The following PACRG variants were observed in gnomAD, a reference collection of about 807,000 sequenced individuals.
PACRG encodes the protein parkin coregulated gene protein.
Under a neutral mutation model 29.7 loss-of-function variants are expected in PACRG, and 29 were observed. The ratio of observed to expected loss-of-function variants is 0.98; its 90% confidence interval spans 0.73 to 1.33. The LOEUF (loss-of-function observed/expected upper bound fraction) is 1.33. Among genes scored for constraint, PACRG ranks in the 40% most tolerant of loss-of-function variants. The probability of loss-of-function intolerance (pLI) is 0.00; values close to 1 mark genes in which losing one functional copy is unlikely to be tolerated. For missense variants in PACRG, 279 were observed against 316.2 expected, an observed-to-expected ratio of 0.88 and a Z score of 0.89; for synonymous variants, 116 against 118.7, an observed-to-expected ratio of 0.98 and a Z score of 0.15.
chr6:163,296,141 A>G (rs1209501717), intron 4 of PACRG, among the ~76,000 whole-genome samples: 2 of 152,224 alleles, frequency 1.3e-5, no homozygotes, highest in Non-Finnish European at 2.9e-5. Flanking sequence ...ATTTCTTGCC[A>G]AAAGCTCTAA....
In PACRG at chr6:162,885,921, C is replaced by G. The variant is rs560234298; in HGVS notation, c.291+71640C>G. ...ATTCTTTTACATAAAGTTACTTTAT[C>G]AAATTCTGAAAATTTAATATTGTTA... On this transcript the variant is annotated intron_variant, in intron 2 of 4. Transcript: ENST00000366888. Among the ~76,000 whole-genome samples the G allele has an allele frequency of 3.9e-5, 6 of 152,296 alleles. No homozygotes were observed. In the East Asian group the frequency reaches 1.2e-3, roughly 29 times the overall value.
chr6:163,144,824 A>T (rs1777730790), intron 4 of PACRG, among the ~76,000 whole-genome samples: 2 of 152,152 alleles, frequency 1.3e-5, no homozygotes, highest in Admixed American at 6.5e-5. Flanking sequence ...CATCCCTTTG[A>T]TTTGGTGAGC....
intron 4 of PACRG, among the ~76,000 whole-genome samples, chr6:163,309,351 T>C (rs1366704821): frequency 2.6e-5 from 4 of 152,246 alleles, no homozygotes; most frequent in Non-Finnish European, 5.9e-5. Context: ...AGAGAGTCAG[T>C]CTGCCTGAGT....
At chr6:162,759,673 A>G (rs896425348) in intron 1 of PACRG, among the ~76,000 whole-genome samples, 24 of 152,158 alleles carry the variant, frequency 1.6e-4, no homozygotes, top group African/African-American at 4.6e-4. Flanking sequence ...TTCGTTGGCT[A>G]TATAAAGGTG....
chr6:162,888,158 A>G (rs548001908), intron 2 of PACRG, among the ~76,000 whole-genome samples: 12 of 151,768 alleles, frequency 7.9e-5, no homozygotes, highest in African/African-American at 2.9e-4. Context: ...GGGTGGTCTC[A>G]TCCTCATCTA....
At chr6:163,068,583 C>A (rs1008439327) in intron 3 of PACRG, among the ~76,000 whole-genome samples, 10 of 151,188 alleles carry the variant, frequency 6.6e-5, no homozygotes, top group Non-Finnish European at 1.5e-4. Flanking sequence ...ACAGTATCTT[C>A]TCTCTGTTTT....
chr6:163,039,070 T>C (rs1313908157), intron 2 of PACRG, among the ~76,000 whole-genome samples: 3 of 152,296 alleles, frequency 2.0e-5, no homozygotes, highest in Non-Finnish European at 2.9e-5. Context: ...TGGTGGAAGA[T>C]GATTGGATCA....
intron 1 of PACRG, among the ~76,000 whole-genome samples, chr6:162,728,776 A>G (rs1464933600): frequency 6.6e-6 from 1 of 152,234 alleles, no homozygotes; most frequent in African/African-American, 2.4e-5. Context: ...TGCAAAATTT[A>G]ACATGAGCTG....
Position 163,165,889 on chromosome 6 carries a change from A to G in PACRG, c.613+76481A>G, listed in dbSNP as rs560839243. On this transcript the variant is annotated intron_variant, in intron 4 of 4. Transcript: ENST00000366888. ...GGGCGACAGGGGGAGAGAACGAATG[A>G]AAGGGCTTCATTGCATCTAAGGCAC... The G allele has an allele frequency of 7.4e-4, 262 of 354,562 alleles. 6 individuals are homozygous for G. Among genetic ancestry groups the G allele is most frequent in the South Asian group, 5.5e-3 (252 of 45,862 alleles). The allele number at this position is 354,562 out of a possible 1,614,324, so 22.0% of individuals were successfully genotyped here. A position where few individuals can be genotyped will look rare whatever the true frequency, so the allele number is the denominator to read the frequency against.
intron 1 of PACRG, among the ~76,000 whole-genome samples, chr6:162,780,154 C>G (rs1179486096): frequency 6.6e-6 from 1 of 152,126 alleles, no homozygotes; most frequent in Non-Finnish European, 1.5e-5. Flanking sequence ...TAAGGTGGAA[C>G]AGGGGTCAAG....
At chr6:163,039,390 G>C (rs927059983) in intron 2 of PACRG, among the ~76,000 whole-genome samples, 1 of 152,190 alleles carries the variant, frequency 6.6e-6, no homozygotes, top group Non-Finnish European at 1.5e-5. Context: ...AGCAGAGTGG[G>C]GTACTGCTAT....
At chr6:163,292,471 G>A (rs935227301) in intron 4 of PACRG, among the ~76,000 whole-genome samples, 1 of 152,120 alleles carries the variant, frequency 6.6e-6, no homozygotes, top group South Asian at 2.1e-4. Context: ...GCACGATCTC[G>A]GCTCACTGCA....
At chr6:163,201,883 A>G (rs1453985772) in intron 4 of PACRG, among the ~76,000 whole-genome samples, 2 of 152,144 alleles carry the variant, frequency 1.3e-5, no homozygotes, top group African/African-American at 2.4e-5. Context: ...AATGGGGGAG[A>G]GAGACCTGCC....
chr6:162,839,779 A>G (rs1264608687), intron 2 of PACRG, among the ~76,000 whole-genome samples: 7 of 152,090 alleles, frequency 4.6e-5, no homozygotes, highest in Non-Finnish European at 8.8e-5. Flanking sequence ...TATAAGGTAT[A>G]AGGAAGGGAT....
At chr6:163,000,286 G>A (rs1404967190) in intron 2 of PACRG, among the ~76,000 whole-genome samples, 1 of 152,164 alleles carries the variant, frequency 6.6e-6, no homozygotes, top group Admixed American at 6.5e-5. Context: ...GTGGTGCAGG[G>A]TACTCGGAGG....
At chr6:162,886,151 C>A (rs1794315337) in intron 2 of PACRG, among the ~76,000 whole-genome samples, 1 of 152,112 alleles carries the variant, frequency 6.6e-6, no homozygotes, top group Non-Finnish European at 1.5e-5. Flanking sequence ...TCTTGAACTC[C>A]TGACCTCATG....
At chr6:163,017,720 A>G (rs780576083) in intron 2 of PACRG, among the ~76,000 whole-genome samples, 1 of 152,202 alleles carries the variant, frequency 6.6e-6, no homozygotes, top group Non-Finnish European at 1.5e-5. Flanking sequence ...ATAAATGCAG[A>G]GATATTCTTC....
At chr6:163,091,293 C>A (rs558905461) in intron 4 of PACRG, among the ~76,000 whole-genome samples, 17 of 152,290 alleles carry the variant, frequency 1.1e-4, no homozygotes, top group African/African-American at 4.1e-4. Flanking sequence ...CTAAACAAAA[C>A]AATTGGTTTC....
intron 4 of PACRG, among the ~76,000 whole-genome samples, chr6:163,094,017 A>G (rs976183955): frequency 6.6e-6 from 1 of 152,210 alleles, no homozygotes; most frequent in African/African-American, 2.4e-5. Context: ...TCTAAGGAGA[A>G]CCTAGGCCTT....
Sources: allele counts gnomAD v4.1 joint callset (sites outside exome capture counted in the v4.1 genomes callset), GRCh38; gene constraint gnomAD v4.1.1; transcripts MANE v1.5; gene names NCBI Gene and HGNC (gene_info 2026-07-23, HGNC 2026-07-21).